The following ANKRD36C variants were observed in gnomAD, a reference collection of about 807,000 sequenced individuals.
ANKRD36C encodes ankyrin repeat domain 36C.
ANKRD36C carries 61 observed loss-of-function variants against 276.4 expected under a neutral mutation model. That is an observed-to-expected ratio of 0.22 (90% CI 0.18 to 0.27). The LOEUF is 0.27. ANKRD36C is among the 10% of genes least tolerant of loss of function. The pLI is 1.00. For missense variants in ANKRD36C, 1,447 were observed against 2,032.3 expected, an observed-to-expected ratio of 0.71 and a Z score of 5.54; for synonymous variants, 483 against 680.1, an observed-to-expected ratio of 0.71 and a Z score of 4.51.
chr2:95,891,191 C>CTGAACATGACATTAAAT (rs1325393368), intron 46 of ANKRD36C, among the ~76,000 whole-genome samples: 14 of 150,760 alleles, frequency 9.3e-5, no homozygotes, highest in Non-Finnish European at 1.5e-4. Context: ...TCTTTTTCCA[C>CTGAACATGACATTAAAT]CTTCCTGCCT....
chr2:95,943,965 T>C (rs1019851446), intron 19 of ANKRD36C, among the ~76,000 whole-genome samples: 2 of 152,226 alleles, frequency 1.3e-5, no homozygotes, highest in African/African-American at 4.8e-5. Context: ...TTATTTAAAC[T>C]AGAAATATTC....
At chr2:95,925,744 TAC>T (rs996446697) in intron 28 of ANKRD36C, among the ~76,000 whole-genome samples, 197 bp from the exon 29 acceptor site, 2 of 151,538 alleles carry the variant, frequency 1.3e-5, no homozygotes, top group African/African-American at 2.4e-5. Flanking sequence ...CCAGAAAATA[TAC>T]AGTCAGAAAT....
At chr2:95,890,069 G>A (rs1443123385) in intron 46 of ANKRD36C, 75 bp from the exon 67 acceptor site, 1 of 1,540,822 alleles carries the variant, frequency 6.5e-7, no homozygotes, top group Non-Finnish European at 8.9e-7. Context: ...TACAGTGTTA[G>A]CATCAATCTC....
At chr2:95,963,202 C>T (rs1283071125) in intron 6 of ANKRD36C, among the ~76,000 whole-genome samples, 2 of 152,016 alleles carry the variant, frequency 1.3e-5, no homozygotes, top group Non-Finnish European at 2.9e-5. Context: ...TTTTCATCCA[C>T]TCATGGCAAT....
intron 44 of ANKRD36C, among the ~76,000 whole-genome samples, chr2:95,894,729 C>T (rs1483084314): frequency 2.6e-5 from 4 of 151,198 alleles, no homozygotes; most frequent in South Asian, 2.1e-4. Flanking sequence ...ATCTCTGATG[C>T]CTAATAGTAA....
At chr2:95,971,440 AT>A (rs1436712361) in intron 6 of ANKRD36C, among the ~76,000 whole-genome samples, 4 of 152,082 alleles carry the variant, frequency 2.6e-5, no homozygotes, top group South Asian at 4.2e-4. Context: ...TATATCAAAA[AT>A]CTCTTTAGGT....
chr2:95,925,511 G>T lies in ANKRD36C; in HGVS notation c.1968+8C>A, dbSNP rs1677379109. ...AATAATTCAAAATATAAATGAAAGA[G>T]TAACTACCTTCCAGGCTGATTGTTT... On this transcript the variant is annotated splice_region_variant and intron_variant, in intron 29 of 66. Coordinates refer to ENST00000456556, the Ensembl canonical transcript of ANKRD36C. 6.5e-7 allele frequency: 1 copy of T among 1,549,768 alleles called. No individual in the cohort carries two copies. The highest frequency in any genetic ancestry group is 1.4e-5 in the African/African-American group (1 of 72,550).
chr2:95,944,784 T>A, intron 18 of ANKRD36C, 90 bp from the exon 19 acceptor site: 2 of 1,425,354 alleles, frequency 1.4e-6, no homozygotes, highest in Non-Finnish European at 1.9e-6. Flanking sequence ...ACAGCTTTAA[T>A]CCCAGCAGTT....
chr2:95,856,982 C>T (rs938698486), intron 62 of ANKRD36C, among the ~76,000 whole-genome samples: 2 of 152,082 alleles, frequency 1.3e-5, no homozygotes, highest in African/African-American at 4.8e-5. Flanking sequence ...ATTGTGATAA[C>T]TTTTATTCCT....
chr2:95,863,297 G>C (rs552421889), intron 60 of ANKRD36C, among the ~76,000 whole-genome samples: 1 of 152,154 alleles, frequency 6.6e-6, no homozygotes, highest in South Asian at 2.1e-4. Flanking sequence ...AGAAGCAATA[G>C]ATAACGTGAA....
At chr2:95,946,656 C>G (rs1678059352) in intron 17 of ANKRD36C, among the ~76,000 whole-genome samples, 2 of 150,418 alleles carry the variant, frequency 1.3e-5, no homozygotes, top group African/African-American at 4.9e-5. Flanking sequence ...TTGGAACCAA[C>G]CCAAATGTCC....
chr2:95,906,486 TA>T, intron 42 of ANKRD36C, 144 bp downstream of exon 50: 1 of 342,070 alleles, frequency 2.9e-6, no homozygotes, highest in Non-Finnish European at 5.2e-6. Flanking sequence ...AGCATCAGCA[TA>T]ACCCAAGAAC....
chr2:95,981,151 A>G (rs1678906941), intron 4 of ANKRD36C, among the ~76,000 whole-genome samples: 1 of 151,894 alleles, frequency 6.6e-6, no homozygotes. Flanking sequence ...CTGAAGGGTC[A>G]GATAAGAGCT....
chr2:95,958,514 C>G (rs1285306750), intron 12 of ANKRD36C, 77 bp downstream of exon 12: 22 of 1,516,332 alleles, frequency 1.5e-5, no homozygotes, highest in Non-Finnish European at 2.0e-5. Context: ...AATGAGCCCC[C>G]TGCTGATTTA....
intron 6 of ANKRD36C, among the ~76,000 whole-genome samples, chr2:95,968,932 A>G (rs568493103): frequency 1.3e-5 from 2 of 152,302 alleles, no homozygotes; most frequent in African/African-American, 4.8e-5. Context: ...ATAGTGCAAG[A>G]TATGGGGGGA....
At chr2:95,872,731 G>C (rs2104300317) in intron 59 of ANKRD36C, among the ~76,000 whole-genome samples, 1 of 152,052 alleles carries the variant, frequency 6.6e-6, no homozygotes, top group East Asian at 1.9e-4. Context: ...TCCAGGAGCT[G>C]GTTTTTTGAA....
intron 42 of ANKRD36C, 132 bp downstream of exon 48, chr2:95,908,370 T>C: frequency 1.3e-6 from 1 of 741,520 alleles, no homozygotes. Context: ...AAGAACTTAT[T>C]TGAAATGAAG....
chr2:95,884,364 A>G lies in ANKRD36C; in HGVS notation c.3168T>C (p.Ser1056=), dbSNP rs751631666. 5.0e-6 allele frequency: 8 copies of G among 1,610,908 alleles called. No homozygotes were observed. In the Admixed American group the frequency reaches 1.0e-4, roughly 20 times the overall value. ...CCTTCAAGGCTGGTTGTCTCTGAGA[A>G]GACACTGAAAAGCAAAAGGGATACA... The change falls in exon 53 of 67, where the codon TCT becomes TCC. Residue 1056 remains serine, a synonymous_variant. Transcript: ENST00000456556.
At chr2:95,870,734 T>G (rs1297520582) in intron 59 of ANKRD36C, among the ~76,000 whole-genome samples, 1 of 151,986 alleles carries the variant, frequency 6.6e-6, no homozygotes, top group Non-Finnish European at 1.5e-5. Context: ...AGGAGGAAAT[T>G]CAAACCAAAG....
Sources: allele counts gnomAD v4.1 joint callset (sites outside exome capture counted in the v4.1 genomes callset), GRCh38; gene constraint gnomAD v4.1.1; transcripts MANE v1.5; gene names NCBI Gene and HGNC (gene_info 2026-07-23, HGNC 2026-07-21).